LGI2: variants seen among roughly 807,000 people sequenced by gnomAD.
LGI2 encodes the protein leucine-rich repeat LGI family member 2.
A neutral mutation model predicts 52.0 loss-of-function variants in LGI2; 30 were observed. That is an observed-to-expected ratio of 0.58 (90% CI 0.43 to 0.78). LGI2 has a LOEUF of 0.78. Ranked by LOEUF, LGI2 falls within the 30% of genes least tolerant of loss-of-function variation. The pLI is 0.00. For missense variants in LGI2, 573 were observed against 692.5 expected (o/e 0.83, Z 1.94); for synonymous variants, 270 against 271.8 (o/e 0.99, Z 0.06).
Position 25,019,865 on chromosome 4 carries a change from T to A in LGI2, c.414-627A>T, listed in dbSNP as rs191228878. ...TAACTATTTGTTTACTGGCTGTGTATTCCCCCTCTACATAAGCCACATGAG... is the reference window on the plus strand; with the variant it reads ...TAACTATTTGTTTACTGGCTGTGTAATCCCCCTCTACATAAGCCACATGAG... On this transcript the variant is annotated intron_variant, in intron 4 of 7. Transcript: ENST00000382114. Among the ~76,000 whole-genome samples the A allele has an allele frequency of 3.0e-3, 462 of 152,334 alleles. 1 individual carries two copies. The highest frequency in any genetic ancestry group is 4.9e-3 in the Non-Finnish European group (334 of 68,038).
At chr4:25,027,430 T>C (rs1416581560) in intron 2 of LGI2, among the ~76,000 whole-genome samples, 2 of 151,268 alleles carry the variant, frequency 1.3e-5, no homozygotes, top group Non-Finnish European at 2.9e-5. Flanking sequence ...TAAGAAACTT[T>C]CAGGAGACTG....
chr4:25,023,956 T>A (rs1273240014), intron 4 of LGI2, among the ~76,000 whole-genome samples: 1 of 152,212 alleles, frequency 6.6e-6, no homozygotes, highest in South Asian at 2.1e-4. Flanking sequence ...CAGAAAGCTC[T>A]TAAAGAAGCA....
intron 6 of LGI2, among the ~76,000 whole-genome samples, chr4:25,015,411 GGA>G (rs1725726631): frequency 6.6e-6 from 1 of 152,080 alleles, no homozygotes. Context: ...GACTTGAAGG[GGA>G]GGGTTCAAGA....
At chr4:25,013,214 C>T (rs1725648206) in intron 6 of LGI2, among the ~76,000 whole-genome samples, 1 of 152,204 alleles carries the variant, frequency 6.6e-6, no homozygotes, top group Non-Finnish European at 1.5e-5. Flanking sequence ...GGTGCCCCTC[C>T]CTTCATTCTG....
rs774450493 is a variant in LGI2, at chr4:25,003,777, G to A, written c.1312C>T (p.Arg438Cys). The A allele has an allele frequency of 1.3e-5, 21 of 1,614,032 alleles. No individual in the cohort carries two copies. The highest frequency in any genetic ancestry group is 1.4e-5 in the Non-Finnish European group (16 of 1,180,048). Reference protein sequence around the residue: ...MQNTLYLSLTRFIGDSRVMRW... With the variant: ...MQNTLYLSLTCFIGDSRVMRW... ...ATGACCCGGGAGTCCCCGATGAAGC[G>A]GGTAAGGGAAAGGTAGAGGGTATTT... Residue 438 changes from arginine (R) to cysteine (C), a missense_variant, in exon 8 of 8, where the codon CGC (arginine) becomes TGC (cysteine). Transcript: ENST00000382114.
chr4:24,993,842 A>C, the LGI2 span, among the ~76,000 whole-genome samples: 1 of 152,240 alleles, frequency 6.6e-6, no homozygotes, highest in Admixed American at 6.5e-5. Context: ...ATGCATTGGC[A>C]GTAAACATAA....
At chr4:25,013,975 G>A (rs535467730) in intron 6 of LGI2, among the ~76,000 whole-genome samples, 2 of 152,226 alleles carry the variant, frequency 1.3e-5, no homozygotes, top group Non-Finnish European at 2.9e-5. Flanking sequence ...CATGTAGACA[G>A]AGAAAGGGGA....
rs750799457 is a variant in LGI2 at position 25,018,023 on chromosome 4, G to A, written c.621C>T (p.Asp207=). ...PPEYQEKKLN[D]VTSFDYECTT... is the part of the protein sequence containing the mutation. The stretch of plus-strand genomic sequence containing the variant: ...TGCATTCATAGTCAAAGCTGGTCAC[G>A]TCATTTAGCTTCTTTTCCTGATACT... Residue 207 remains aspartate (D), a synonymous_variant, in exon 6 of 8, where the codon GAC becomes GAT. Transcript: ENST00000382114. 8.7e-6 allele frequency: 14 copies of A among 1,612,498 alleles called. No homozygotes were observed. In the East Asian group the frequency reaches 8.9e-5, roughly 10 times the overall value.
At chr4:24,993,222 C>T in the LGI2 span, among the ~76,000 whole-genome samples, 1 of 152,176 alleles carries the variant, frequency 6.6e-6, no homozygotes, top group Admixed American at 6.5e-5. Context: ...TGTTTCAGGT[C>T]TTATTGGCTG....
At position 25,024,876 on chromosome 4, in the gene LGI2, G is replaced by T; in HGVS notation, c.357C>A (p.Asn119Lys). 1 of 1,606,584 alleles carries T rather than the reference G, an allele frequency of 6.2e-7. No homozygotes were observed. The highest frequency in any genetic ancestry group is 8.5e-7 in the Non-Finnish European group (1 of 1,177,072). ...CATTTCTTGAAATGGTTTCTATTTT[G>T]TTCCCTTCAATGAACCTAAGAGGAA... The part of the protein sequence containing the change: ...FHLEYLFIEG[N>K]KIETISRNAF... The change falls in exon 4 of 8, where the codon AAC (asparagine) becomes AAA (lysine). Residue 119 changes from asparagine (N) to lysine (K), a missense_variant. Coordinates refer to ENST00000382114, the MANE Select transcript of LGI2 (RefSeq NM_018176.4).
intron 4 of LGI2, among the ~76,000 whole-genome samples, chr4:25,020,705 G>C (rs970404317): frequency 1.3e-5 from 2 of 152,174 alleles, no homozygotes; most frequent in African/African-American, 2.4e-5. Context: ...GGACATAGTA[G>C]AAAGCTTGGA....
chr4:25,004,016 C>T lies in LGI2; in HGVS notation c.1073G>A (p.Ser358Asn). The change falls in exon 8 of 8, where the codon AGC becomes AAC. Residue 358 changes from serine (S) to asparagine (N), a missense_variant. Transcript: ENST00000382114. The surrounding 1 kb of genome is among the most constrained non-coding windows in gnomAD (Gnocchi z 4.6). The part of the protein sequence containing the change: ...AGLSTVYKWN[S>N]KGFYSYQSLH... The stretch of plus-strand genomic sequence containing the variant: ...TGACTGGTAAGAATAGAATCCTTTG[C>T]TGTTCCATTTATAAACTGTGGACAG... The T allele has an allele frequency of 6.2e-7, 1 of 1,614,212 alleles. No individual in the cohort carries two copies. Among genetic ancestry groups the T allele is most frequent in the South Asian group, 1.1e-5 (1 of 91,078 alleles).
At chr4:25,014,002 A>G (rs930715921) in intron 6 of LGI2, among the ~76,000 whole-genome samples, 1 of 152,210 alleles carries the variant, frequency 6.6e-6, no homozygotes, top group Non-Finnish European at 1.5e-5. Flanking sequence ...AGCAGTCATC[A>G]TGTGCTCCCT....
In LGI2 at chr4:25,003,386, A is replaced by C. The variant is rs1577543923; in HGVS notation, c.*65T>G. The C allele has an allele frequency of 2.6e-6, 3 of 1,165,876 alleles. No homozygotes were observed. The highest frequency in any genetic ancestry group is 5.3e-5 in the Admixed American group (2 of 37,558). The allele number at this position is 1,165,876 out of a possible 1,614,324, so 72.2% of individuals were successfully genotyped here. Reference sequence around the variant, plus strand: ...GAGCCTGGCTTTGATTTGTTTGTTGATTTTTCTTGGTCCTCTTTTGTGAGA... The same window carrying C: ...GAGCCTGGCTTTGATTTGTTTGTTGCTTTTTCTTGGTCCTCTTTTGTGAGA... On this transcript the variant is annotated 3_prime_UTR_variant, in exon 8 of 8. Transcript: ENST00000382114.
At chr4:25,023,727 G>A (rs1475986317) in intron 4 of LGI2, among the ~76,000 whole-genome samples, 1 of 152,164 alleles carries the variant, frequency 6.6e-6, no homozygotes, top group Non-Finnish European at 1.5e-5. Context: ...CTACAGAGAT[G>A]AGACATGTTA....
At chr4:24,996,953 C>T (rs1204276506), downstream of LGI2, among the ~76,000 whole-genome samples, 1 of 152,176 alleles carries the variant, frequency 6.6e-6, no homozygotes, top group African/African-American at 2.4e-5. Flanking sequence ...TCTGGGGTAG[C>T]CTTTCCATGA....
chr4:24,999,894 T>C lies in LGI2; in HGVS notation c.*3557A>G, dbSNP rs1276228156. The C allele has an allele frequency of 2.2e-6, 1 of 456,086 alleles. No homozygotes were observed. The highest frequency in any genetic ancestry group is 1.6e-5 in the South Asian group (1 of 64,502). The allele number at this position is 456,086 out of a possible 1,614,324, so 28.3% of individuals were successfully genotyped here. On this transcript the variant is annotated 3_prime_UTR_variant, in exon 8 of 8. Transcript: ENST00000382114. ...GTTTTGAATTTTTCCTTCACAGATCTCTTCTTGTTTATCTGGTGGACAATG... is the reference window on the plus strand; with the variant it reads ...GTTTTGAATTTTTCCTTCACAGATCCCTTCTTGTTTATCTGGTGGACAATG...
At chr4:25,009,674 C>T (rs1418046089) in intron 7 of LGI2, among the ~76,000 whole-genome samples, 20 of 152,080 alleles carry the variant, frequency 1.3e-4, no homozygotes, top group Admixed American at 1.2e-3. Context: ...CTCACTCTGT[C>T]ACCCAGGCTG....
In LGI2 at chr4:25,012,351, G is replaced by C. The variant is rs1183840701; in HGVS notation, c.804C>G (p.Ser268Arg). 3 of 1,614,210 alleles carry C rather than the reference G, an allele frequency of 1.9e-6. No individual in the cohort carries two copies. The highest frequency in any genetic ancestry group is 2.5e-6 in the Non-Finnish European group (3 of 1,180,030). Residue 268 changes from serine (S) to arginine (R), a missense_variant, in exon 7 of 8, where the codon AGC becomes AGG. Coordinates refer to ENST00000382114, the MANE Select transcript of LGI2 (RefSeq NM_018176.4). ...ACAACACACCTGTAATGTTGTCATA[G>C]CTCCGGAAATTCATTTCAATGTGGT... is the stretch of plus-strand genomic sequence containing the variant. The part of the protein sequence containing the change: ...EWDHIEMNFR[S>R]YDNITGQSIV...
Sources: gnomAD v4.1 joint callset for allele counts (sites outside exome capture counted in the v4.1 genomes callset) on GRCh38, gnomAD v4.1.1 for gene constraint, Gnocchi (gnomAD v3.1) non-coding constraint, MANE v1.5 for transcripts, NCBI Gene and HGNC (gene_info 2026-07-23, HGNC 2026-07-21) for gene names.